The following CTNNA3 variants were observed in gnomAD, a reference collection of about 807,000 sequenced individuals.
The protein encoded by CTNNA3 is catenin alpha-3.
In CTNNA3, 76 loss-of-function variants were observed where a neutral mutation model predicts 95.7. That is an observed-to-expected ratio of 0.79 (90% confidence interval 0.66 to 0.96). The LOEUF (loss-of-function observed/expected upper bound fraction) is 0.96, where lower values mean the gene tolerates loss of function less well. Ranked by LOEUF, CTNNA3 falls within the 40% of genes least tolerant of loss-of-function variation. The probability of loss-of-function intolerance (pLI) is 0.00; values close to 1 mark genes in which losing one functional copy is unlikely to be tolerated. For missense variants in CTNNA3, 1,191 were observed against 1,089.8 expected, an observed-to-expected ratio of 1.09 and a Z score of -1.31; for synonymous variants, 431 against 374.4, an observed-to-expected ratio of 1.15 and a Z score of -1.74.
intron 1 of CTNNA3, among the ~76,000 whole-genome samples, chr10:67,707,832 ATTAATT>A (rs1841086690): frequency 6.6e-6 from 1 of 152,184 alleles, no homozygotes; most frequent in African/African-American, 2.4e-5. Flanking sequence ...TTGGTATTCT[ATTAATT>A]TTATTTCTCC....
At chr10:67,588,227 T>TGC (rs766118268) in intron 3 of CTNNA3, among the ~76,000 whole-genome samples, 20 of 151,836 alleles carry the variant, frequency 1.3e-4, no homozygotes, top group African/African-American at 4.8e-4. Flanking sequence ...AAGATCTATC[T>TGC]TATTATTAAT....
rs902879098 is a variant in CTNNA3, at chr10:65,965,554, G to A, written c.2400+1058C>T. ...TGAGTAGCTGAGATTACAGGCATGC[G>A]CCACCACACCCAGCTAATTTTTGTA... On this transcript the variant is annotated intron_variant, in intron 17 of 17. Coordinates refer to ENST00000433211, the MANE Select transcript of CTNNA3 (RefSeq NM_013266.4). Among the ~76,000 whole-genome samples the A allele has an allele frequency of 5.3e-5, 8 of 151,784 alleles. No homozygotes were observed. The South Asian group carries it at 6.2e-4, about 12-fold the overall frequency.
intron 7 of CTNNA3, among the ~76,000 whole-genome samples, chr10:66,848,949 T>C (rs1470497445): frequency 6.6e-6 from 1 of 152,186 alleles, no homozygotes; most frequent in African/African-American, 2.4e-5. Flanking sequence ...TGCACAACTG[T>C]GCATAAAATC....
At chr10:66,895,589 C>T (rs145851090) in intron 7 of CTNNA3, among the ~76,000 whole-genome samples, 2 of 152,190 alleles carry the variant, frequency 1.3e-5, no homozygotes, top group East Asian at 3.9e-4. Flanking sequence ...ACAGCACCCA[C>T]CCTGGAGTCA....
chr10:67,491,394 T>C (rs150321575), intron 5 of CTNNA3, among the ~76,000 whole-genome samples: 3 of 152,274 alleles, frequency 2.0e-5, no homozygotes, highest in African/African-American at 7.2e-5. Context: ...GAGAAACACA[T>C]ACAGTATGAC....
At chr10:66,719,806 A>T (rs1848568755) in intron 9 of CTNNA3, among the ~76,000 whole-genome samples, 1 of 151,994 alleles carries the variant, frequency 6.6e-6, no homozygotes, top group South Asian at 2.1e-4. Flanking sequence ...GCTGTGGGAG[A>T]GGGGAGATAT....
rs115256500 is a variant in CTNNA3, at chr10:66,805,909, T to C, written c.1048-30385A>G. 8.8e-3 allele frequency among the ~76,000 whole-genome samples: 1,346 copies of C among 152,214 alleles called. 25 individuals are homozygous for C. The highest frequency in any genetic ancestry group is 0.031 in the African/African-American group (1,277 of 41,564). ...GAAAAGTATTTATCGATCAAGTTCC[T>C]GTGATACAAAATGCCAAGGAAGTTT... On this transcript the variant is annotated intron_variant, in intron 7 of 17. Coordinates refer to ENST00000433211, the MANE Select transcript of CTNNA3 (RefSeq NM_013266.4).
intron 9 of CTNNA3, among the ~76,000 whole-genome samples, chr10:66,694,398 C>G (rs1847679057): frequency 6.6e-6 from 1 of 152,126 alleles, no homozygotes; most frequent in Non-Finnish European, 1.5e-5. Flanking sequence ...TACACCCTCC[C>G]AAGACGAAAC....
intron 5 of CTNNA3, among the ~76,000 whole-genome samples, chr10:67,220,137 G>A (rs1864585060): frequency 1.3e-5 from 2 of 152,162 alleles, no homozygotes; most frequent in African/African-American, 4.8e-5. Flanking sequence ...TCAAGTCCTT[G>A]TCAGTCAAAT....
chr10:67,262,108 T>G (rs369760143), intron 5 of CTNNA3, among the ~76,000 whole-genome samples: 7 of 152,116 alleles, frequency 4.6e-5, no homozygotes, highest in African/African-American at 1.7e-4. Flanking sequence ...GATCTGATAC[T>G]TTTTAGACTA....
At chr10:67,479,935 G>T (rs961634838) in intron 5 of CTNNA3, among the ~76,000 whole-genome samples, 2 of 152,012 alleles carry the variant, frequency 1.3e-5, no homozygotes, top group Non-Finnish European at 2.9e-5. Flanking sequence ...AAATACAAAA[G>T]ATCCTCAGAG....
intron 12 of CTNNA3, among the ~76,000 whole-genome samples, chr10:66,347,202 G>A (rs1014239105): frequency 6.6e-6 from 1 of 151,898 alleles, no homozygotes; most frequent in Non-Finnish European, 1.5e-5. Context: ...CATTTTATAA[G>A]TTTCAATACA....
intron 10 of CTNNA3, among the ~76,000 whole-genome samples, chr10:66,563,167 A>G (rs1045336013): frequency 6.6e-6 from 1 of 152,264 alleles, no homozygotes; most frequent in South Asian, 2.1e-4. Context: ...ATAATGCAGT[A>G]TAGAATAACC....
chr10:66,361,725 A>T (rs2092677425), intron 12 of CTNNA3, among the ~76,000 whole-genome samples: 1 of 150,954 alleles, frequency 6.6e-6, no homozygotes, highest in African/African-American at 2.4e-5. Flanking sequence ...TTCTGTAGAG[A>T]TGAGATCTCA....
chr10:66,527,917 C>T (rs908091520), intron 10 of CTNNA3, among the ~76,000 whole-genome samples: 1 of 151,540 alleles, frequency 6.6e-6, no homozygotes, highest in Non-Finnish European at 1.5e-5. Context: ...TGGATACCAC[C>T]AAAAAAATAT....
intron 4 of CTNNA3, among the ~76,000 whole-genome samples, chr10:67,534,091 T>C (rs1437729802): frequency 6.8e-6 from 1 of 147,886 alleles, no homozygotes; most frequent in Admixed American, 6.7e-5. Flanking sequence ...CTGAATGAAA[T>C]AGTAAAGACA....
chr10:66,248,727 G>C (rs149817012), intron 13 of CTNNA3, among the ~76,000 whole-genome samples: 35 of 152,170 alleles, frequency 2.3e-4, no homozygotes, highest in African/African-American at 7.7e-4. Flanking sequence ...CCAAACACTG[G>C]AGCACTGAGA....
At chr10:67,340,756 G>T (rs1206337297) in intron 5 of CTNNA3, among the ~76,000 whole-genome samples, 1 of 152,162 alleles carries the variant, frequency 6.6e-6, no homozygotes, top group African/African-American at 2.4e-5. Context: ...ATAAGATGTG[G>T]CTTAAAATAA....
intron 7 of CTNNA3, among the ~76,000 whole-genome samples, chr10:67,051,577 A>G (rs1925601): frequency 0.98 from 149,167 of 151,478 alleles, 73,474 homozygotes; most frequent in East Asian, 1. Flanking sequence ...CTCCTGCCTC[A>G]ATCAGGAGAT....
Sources: allele counts gnomAD v4.1 joint callset (sites outside exome capture counted in the v4.1 genomes callset), GRCh38; gene constraint gnomAD v4.1.1; transcripts MANE v1.5; gene names NCBI Gene and HGNC (gene_info 2026-07-23, HGNC 2026-07-21).